The following NEK11 variants were observed in gnomAD, a reference collection of about 807,000 sequenced individuals.
The protein encoded by NEK11 is serine/threonine-protein kinase Nek11.
Under a neutral mutation model 80.7 loss-of-function variants are expected in NEK11, and 72 were observed. That is an observed-to-expected ratio of 0.89 (90% CI 0.74 to 1.08). The LOEUF is 1.08. NEK11 is among the 50% of genes least tolerant of loss of function. NEK11 has a pLI of 0.00. For synonymous variants in NEK11, 251 were observed against 260.7 expected, an observed-to-expected ratio of 0.96 and a Z score of 0.36; for missense variants, 764 against 763.6, an observed-to-expected ratio of 1.00 and a Z score of -0.01.
At chr3:131,214,105 TTCAAAAC>T (rs1397650889) in intron 14 of NEK11, among the ~76,000 whole-genome samples, 2 of 152,216 alleles carry the variant, frequency 1.3e-5, no homozygotes, top group East Asian at 3.8e-4. Context: ...CTTCCCAGCC[TTCAAAAC>T]TGTGAGAAAT....
intron 14 of NEK11, among the ~76,000 whole-genome samples, chr3:131,228,183 T>A (rs1168380699): frequency 6.6e-6 from 1 of 152,184 alleles, no homozygotes; most frequent in Non-Finnish European, 1.5e-5. Context: ...AGCCAGGACA[T>A]CTTGTCCTAC....
chr3:131,247,824 A>C (rs115999950), intron 16 of NEK11, among the ~76,000 whole-genome samples: 1,367 of 133,418 alleles, frequency 0.01, 22 homozygotes, highest in African/African-American at 0.034. Context: ...TTATTTGGTT[A>C]AATGTATTCC....
intron 13 of NEK11, among the ~76,000 whole-genome samples, chr3:131,170,049 T>A (rs2092575393): frequency 6.6e-6 from 1 of 152,202 alleles, no homozygotes; most frequent in Non-Finnish European, 1.5e-5. Context: ...ATTTTACTTA[T>A]TAAGATTAGT....
intron 17 of NEK11, among the ~76,000 whole-genome samples, chr3:131,294,705 T>G (rs1707858650): frequency 6.6e-6 from 1 of 152,172 alleles, no homozygotes; most frequent in Admixed American, 6.5e-5. Flanking sequence ...TTCCTTTCAG[T>G]GCTGTCAGTT....
rs886591943 is a variant in NEK11 at position 131,165,305 on chromosome 3, A to T, written c.1083-121A>T. On this transcript the variant is annotated intron_variant, in intron 11 of 17. Coordinates refer to ENST00000383366, the MANE Select transcript of NEK11 (RefSeq NM_024800.5). Reference sequence around the variant, plus strand: ...TTCACCTTGATGAGGAAGAGACCTGATGGCCTGGCTTTCTAATCCCCCAGT... The same window carrying T: ...TTCACCTTGATGAGGAAGAGACCTGTTGGCCTGGCTTTCTAATCCCCCAGT... The T allele has an allele frequency of 4.6e-6, 3 of 648,588 alleles. No homozygotes were observed. In the African/African-American group the frequency reaches 5.5e-5, roughly 12 times the overall value. 40.2% of individuals were successfully genotyped at this position (648,588 alleles called of 1,614,324 possible).
At chr3:131,133,682 T>A in intron 6 of NEK11, 148 bp from the exon 7 acceptor site, 1 of 560,342 alleles carries the variant, frequency 1.8e-6, no homozygotes, top group Non-Finnish European at 3.1e-6. Context: ...GTTGTATAAT[T>A]TAAGATATAT....
chr3:131,342,773 GA>G (rs1490345195), intron 17 of NEK11, among the ~76,000 whole-genome samples: 1 of 151,984 alleles, frequency 6.6e-6, no homozygotes, highest in Admixed American at 6.6e-5. Context: ...GTCTGTGTAT[GA>G]AATCCCCACT....
chr3:131,314,263 A>G lies in NEK11; in HGVS notation c.1719-35294A>G, dbSNP rs148110154. Among the ~76,000 whole-genome samples the G allele has an allele frequency of 1.8e-3, 270 of 152,306 alleles. 1 individual carries two copies. The highest frequency in any genetic ancestry group is 6.3e-3 in the African/African-American group (263 of 41,564). On this transcript the variant is annotated intron_variant, in intron 17 of 17. Transcript: ENST00000383366. ...CAGCAGGAGCTGGAGGTGGAAACTC[A>G]TGGAACAACCATCAAGAATACTGTG... is the stretch of plus-strand genomic sequence containing the variant.
At chr3:131,066,453 C>T (rs1410661323) in intron 3 of NEK11, among the ~76,000 whole-genome samples, 3 of 152,072 alleles carry the variant, frequency 2.0e-5, no homozygotes, top group Non-Finnish European at 4.4e-5. Context: ...GAGTTGTGTT[C>T]TTGTTGTGAA....
chr3:131,047,860 C>T (rs1279407326), intron 3 of NEK11, among the ~76,000 whole-genome samples: 2 of 152,214 alleles, frequency 1.3e-5, no homozygotes, highest in Admixed American at 6.5e-5. Flanking sequence ...TGTCCTTTGT[C>T]TTCAGCTACC....
At chr3:131,294,251 G>T (rs886362585) in intron 17 of NEK11, among the ~76,000 whole-genome samples, 10 of 151,910 alleles carry the variant, frequency 6.6e-5, no homozygotes, top group East Asian at 5.8e-4. Flanking sequence ...CACAAATTTT[G>T]ATAAGTTGTG....
chr3:131,205,641 A>C (rs924994446), intron 14 of NEK11, among the ~76,000 whole-genome samples: 1 of 152,178 alleles, frequency 6.6e-6, no homozygotes, highest in Non-Finnish European at 1.5e-5. Context: ...CTCAAGAGGC[A>C]GACTTTTCAA....
At chr3:131,302,274 G>A (rs1238945907) in intron 17 of NEK11, among the ~76,000 whole-genome samples, 1 of 151,862 alleles carries the variant, frequency 6.6e-6, no homozygotes, top group Admixed American at 6.6e-5. Flanking sequence ...CTAGCTAGTG[G>A]TGTATCAGTC....
chr3:131,198,841 G>A (rs2094124866), intron 14 of NEK11, among the ~76,000 whole-genome samples: 1 of 152,200 alleles, frequency 6.6e-6, no homozygotes, highest in African/African-American at 2.4e-5. Context: ...ATGGGTATTG[G>A]CTTTCTGAGT....
chr3:131,321,989 G>GTA (rs1352407505), intron 17 of NEK11, among the ~76,000 whole-genome samples: 1 of 152,140 alleles, frequency 6.6e-6, no homozygotes, highest in African/African-American at 2.4e-5. Flanking sequence ...CCATTACTGA[G>GTA]TATATATCTA....
At chr3:131,329,837 A>T (rs2097042950) in intron 17 of NEK11, 2 of 152,580 alleles carry the variant, frequency 1.3e-5, no homozygotes, top group African/African-American at 4.8e-5. Flanking sequence ...GCCGGAATGG[A>T]GGGAGTGAGG....
chr3:131,057,757 T>G (rs1474400911), intron 3 of NEK11, among the ~76,000 whole-genome samples: 1 of 151,150 alleles, frequency 6.6e-6, no homozygotes, highest in Non-Finnish European at 1.5e-5. Context: ...CTTGTAAATT[T>G]GTTTGAGTTC....
intron 16 of NEK11, among the ~76,000 whole-genome samples, chr3:131,246,260 C>T (rs1451549831): frequency 6.6e-6 from 1 of 152,078 alleles, no homozygotes; most frequent in African/African-American, 2.4e-5. Flanking sequence ...CCTCCCTCAC[C>T]CTTTCCCCAC....
chr3:131,193,556 T>C (rs1385804468), intron 14 of NEK11, among the ~76,000 whole-genome samples: 1 of 152,192 alleles, frequency 6.6e-6, no homozygotes, highest in East Asian at 1.9e-4. Context: ...GGAATCCATT[T>C]CATAAATAGG....
Sources: allele counts gnomAD v4.1 joint callset (sites outside exome capture counted in the v4.1 genomes callset), GRCh38; gene constraint gnomAD v4.1.1; transcripts MANE v1.5; gene names NCBI Gene and HGNC (gene_info 2026-07-23, HGNC 2026-07-21).